ZNF223: variants seen among roughly 807,000 people sequenced by gnomAD.
ZNF223 encodes zinc finger protein 223, also known as Homo sapiens zinc finger protein 223.
Under a neutral mutation model 12.3 loss-of-function variants are expected in ZNF223, and 9 were observed. The observed-to-expected ratio is 0.73, with a 90% CI of 0.44 to 1.28. The LOEUF (loss-of-function observed/expected upper bound fraction) is 1.28. ZNF223 is among the 50% of genes most tolerant of loss of function. The probability of loss-of-function intolerance (pLI) is 0.00; values close to 1 mark genes in which losing one functional copy is unlikely to be tolerated. For missense variants in ZNF223, 506 were observed against 579.0 expected (o/e 0.87, Z 1.29); for synonymous variants, 171 against 195.2 (o/e 0.88, Z 1.03).
At position 44,067,029 on chromosome 19, in the gene ZNF223, A is replaced by T. The variant is rs1422367041; in HGVS notation, c.1201A>T (p.Asn401Tyr). Reference sequence around the variant, plus strand: ...AGCCCACACAGGAGAGAGACCTTATAACTGTGATGACTGTGGGAAGAGCTT... The same window carrying T: ...AGCCCACACAGGAGAGAGACCTTATTACTGTGATGACTGTGGGAAGAGCTT... ...HRAHTGERPYNCDDCGKSFRQ... is the reference protein window; with the variant it reads ...HRAHTGERPYYCDDCGKSFRQ... The change falls in exon 5 of 5, where the codon AAC (asparagine) becomes TAC (tyrosine). Residue 401 changes from asparagine to tyrosine, a missense_variant. Asn to Tyr is a moderately radical substitution (Grantham distance 143). Transcript: ENST00000434772. 2 of 1,613,120 alleles carry T rather than the reference A, an allele frequency of 1.2e-6. No individual in the cohort carries two copies. Among genetic ancestry groups the T allele is most frequent in the Non-Finnish European group, 1.7e-6 (2 of 1,179,182 alleles).
At chr19:44,058,309 T>C (rs1393491933) in intron 2 of ZNF223, among the ~76,000 whole-genome samples, 1 of 151,570 alleles carries the variant, frequency 6.6e-6, no homozygotes, top group Non-Finnish European at 1.5e-5. Flanking sequence ...CCATTTCATA[T>C]GTCCATCGAC....
intron 1 of ZNF223, among the ~76,000 whole-genome samples, chr19:44,053,231 G>A (rs1322665706): frequency 6.6e-6 from 1 of 152,148 alleles, no homozygotes; most frequent in African/African-American, 2.4e-5. Context: ...CAGGGGACCG[G>A]CGCTCAGCAA....
rs775187674 is a variant in ZNF223 at position 44,056,585 on chromosome 19, A to ATTTTTTTTTTTTTTTTTTTTT, written c.15+1400_15+1420dup. ...TCCTTATGGCATAAAATGCCTCACC[A>ATTTTTTTTTTTTTTTTTTTTT]TTTTTTTTTTTTTTTTTTTTTTTTT... On this transcript the variant is annotated intron_variant, in intron 2 of 4. Coordinates refer to ENST00000434772, the MANE Select transcript of ZNF223 (RefSeq NM_013361.6). Among the ~76,000 whole-genome samples, 8 of 72,158 alleles carry ATTTTTTTTTTTTTTTTTTTTT rather than the reference A, an allele frequency of 1.1e-4. 1 individual carries two copies. Among genetic ancestry groups the ATTTTTTTTTTTTTTTTTTTTT allele is most frequent in the African/African-American group, 5.4e-4 (8 of 14,886 alleles). The allele number at this position is 72,158 out of a possible 152,430, so 47.3% of individuals were successfully genotyped here. A position where few individuals can be genotyped will look rare whatever the true frequency, so the allele number is the denominator to read the frequency against.
In ZNF223 at chr19:44,066,812, G is replaced by A. The variant is rs776668370; in HGVS notation, c.984G>A (p.Arg328=). 4 of 1,613,288 alleles carry A rather than the reference G, an allele frequency of 2.5e-6. No individual in the cohort carries two copies. The Admixed American group carries it at 6.7e-5, about 27-fold the overall frequency. The part of the protein sequence containing the change: ...TGEYGKGFIR[R]LDLCKHQTIH... ...AATATGGAAAAGGCTTCATTCGTAG[G>A]CTGGATTTGTGTAAGCATCAGACGA... The change falls in exon 5 of 5, where the codon AGG becomes AGA. Residue 328 remains arginine, a synonymous_variant. Coordinates refer to ENST00000434772, the MANE Select transcript of ZNF223 (RefSeq NM_013361.6).
intron 1 of ZNF223, among the ~76,000 whole-genome samples, chr19:44,054,436 A>G (rs1244100960): frequency 2.6e-5 from 4 of 151,752 alleles, no homozygotes; most frequent in Admixed American, 2.6e-4. Flanking sequence ...AAGAGCTTCC[A>G]TTTCTCCTCT....
chr19:44,061,612 G>A (rs1265032038), intron 4 of ZNF223, among the ~76,000 whole-genome samples: 1 of 152,188 alleles, frequency 6.6e-6, no homozygotes, highest in African/African-American at 2.4e-5. Context: ...TATGATCCAA[G>A]TTGACTTTCC....
Position 44,067,833 on chromosome 19 carries a change from C to T in ZNF223, c.*556C>T, listed in dbSNP as rs1976942952. ...TTGATGACCACTAGAATGTCAGCCA[C>T]ATGTGTCTTTGTATTTTTGCTGCAT... On this transcript the variant is annotated 3_prime_UTR_variant, in exon 5 of 5. Transcript: ENST00000434772. 1 of 193,228 alleles carries T rather than the reference C, an allele frequency of 5.2e-6. No homozygotes were observed. The highest frequency in any genetic ancestry group is 1.1e-5 in the Non-Finnish European group (1 of 92,352). 12.0% of individuals were successfully genotyped at this position (193,228 alleles called of 1,614,324 possible).
chr19:44,060,798 G>A lies in ZNF223; in HGVS notation c.192G>A (p.Lys64=), dbSNP rs569036476. Residue 64 remains lysine (K), a synonymous_variant, in exon 4 of 5, where the codon AAG becomes AAA. Transcript: ENST00000434772. The stretch of plus-strand genomic sequence containing the variant: ...CTTTCCACTTTCTAAGGGAGGAAAA[G>A]TTTTGGATGATGGATATAGCAACCC... ...RDTFHFLREE[K]FWMMDIATQR... 53 of 1,613,880 alleles carry A rather than the reference G, an allele frequency of 3.3e-5. No homozygotes were observed. In the South Asian group the frequency reaches 5.5e-4, roughly 17 times the overall value.
In ZNF223 at chr19:44,059,903, G is replaced by A. The variant is rs529606028; in HGVS notation, c.16-552G>A. 2.0e-5 allele frequency among the ~76,000 whole-genome samples: 3 copies of A among 152,338 alleles called. No homozygotes were observed. In the South Asian group the frequency reaches 6.2e-4, roughly 32 times the overall value. Reference sequence around the variant, plus strand: ...TTCACCACTGTGGGATCCCATAGAAGTCAGGGGATGTTCAGGAAAGCATCA... The same window carrying A: ...TTCACCACTGTGGGATCCCATAGAAATCAGGGGATGTTCAGGAAAGCATCA... On this transcript the variant is annotated intron_variant, in intron 2 of 4. Transcript: ENST00000434772.
chr19:44,054,387 A>G (rs913144325), intron 1 of ZNF223, among the ~76,000 whole-genome samples: 3 of 152,016 alleles, frequency 2.0e-5, no homozygotes, highest in African/African-American at 7.2e-5. Flanking sequence ...GAAGTTTCTT[A>G]TGGGAAAATA....
At chr19:44,060,996 A>G in intron 4 of ZNF223, 155 bp downstream of exon 4, 1 of 670,334 alleles carries the variant, frequency 1.5e-6, no homozygotes, top group Middle Eastern at 2.5e-4. Flanking sequence ...GTGCCTTCCC[A>G]CTCTGACATC....
intron 1 of ZNF223, among the ~76,000 whole-genome samples, chr19:44,053,524 G>A (rs535864389): frequency 2.7e-4 from 41 of 152,268 alleles, no homozygotes; most frequent in African/African-American, 9.1e-4. Context: ...GCCATAAGGC[G>A]GTTTTCTCCT....
chr19:44,055,760 A>C (rs1206750614), intron 2 of ZNF223, among the ~76,000 whole-genome samples: 1 of 151,848 alleles, frequency 6.6e-6, no homozygotes, highest in African/African-American at 2.4e-5. Flanking sequence ...CAAGAGTGAA[A>C]CTCTGTCTCA....
upstream of ZNF223, chr19:44,051,965 G>A (rs1976705654): frequency 6.6e-6 from 1 of 152,184 alleles, no homozygotes; most frequent in Admixed American, 6.5e-5. Context: ...TGGCTCAGGG[G>A]GGCGGGTCCG....
At position 44,060,556 on chromosome 19, in the gene ZNF223, G is replaced by A. The variant is rs1976823956; in HGVS notation, c.117G>A (p.Glu39=). 1 of 1,613,992 alleles carries A rather than the reference G, an allele frequency of 6.2e-7. No individual in the cohort carries two copies. Among genetic ancestry groups the A allele is most frequent in the Admixed American group, 1.7e-5 (1 of 60,002 alleles). The change falls in exon 3 of 5, where the codon GAG becomes GAA. Residue 39 remains glutamate (E), a synonymous_variant. Transcript: ENST00000434772. ...QRKLYRDVML[E]NFRNLLSVGH... ...AGCTGTATCGAGATGTGATGCTGGA[G>A]AACTTCAGGAACCTGCTGTCAGTGG...
chr19:44,056,400 C>T (rs1976765800), intron 2 of ZNF223, among the ~76,000 whole-genome samples: 1 of 141,298 alleles, frequency 7.1e-6, no homozygotes, highest in Non-Finnish European at 1.5e-5. Flanking sequence ...GGGCGTGGTG[C>T]GGGCGCCTGT....
chr19:44,056,585 A>ATTTTTTTTTTTTTTTTTTTTTTT (rs775187674), intron 2 of ZNF223, among the ~76,000 whole-genome samples: 6 of 72,158 alleles, frequency 8.3e-5, no homozygotes, highest in African/African-American at 4.0e-4. Flanking sequence ...ATGCCTCACC[A>ATTTTTTTTTTTTTTTTTTTTTTT]TTTTTTTTTT....
chr19:44,061,562 T>C (rs999711164), intron 4 of ZNF223, among the ~76,000 whole-genome samples: 14 of 152,236 alleles, frequency 9.2e-5, no homozygotes, highest in Non-Finnish European at 1.6e-4. Context: ...CCTATGTCTT[T>C]CACCTTTCAG....
Position 44,060,588 on chromosome 19 carries a change from A to G in ZNF223, c.142+7A>G, listed in dbSNP as rs773248534. 3.7e-6 allele frequency: 6 copies of G among 1,613,948 alleles called. No individual in the cohort carries two copies. The highest frequency in any genetic ancestry group is 5.1e-6 in the Non-Finnish European group (6 of 1,179,986). ...AGGAACCTGCTGTCAGTGGGTGAGG[A>G]CAGGCATCTTCTATAAGGGAATGTC... On this transcript the variant is annotated splice_region_variant and intron_variant, in intron 3 of 4. Coordinates refer to ENST00000434772, the MANE Select transcript of ZNF223 (RefSeq NM_013361.6).
Sources: allele counts gnomAD v4.1 joint callset (sites outside exome capture counted in the v4.1 genomes callset), GRCh38; gene constraint gnomAD v4.1.1; transcripts MANE v1.5; gene names NCBI Gene and HGNC (gene_info 2026-07-23, HGNC 2026-07-21).